NCAM1: variants seen among roughly 807,000 people sequenced by gnomAD.
NCAM1 encodes the protein antigen recognized by monoclonal antibody 5.1H11.
A neutral mutation model predicts 109.8 loss-of-function variants in NCAM1; 14 were observed. The observed-to-expected ratio is 0.13, with a 90% CI of 0.08 to 0.20. The LOEUF (loss-of-function observed/expected upper bound fraction) is 0.20, where lower values mean the gene tolerates loss of function less well. Ranked by LOEUF, NCAM1 falls within the 10% of genes least tolerant of loss-of-function variation. The pLI, the probability that NCAM1 is intolerant of heterozygous loss-of-function variation, is 1.00. For synonymous variants in NCAM1, 418 were observed against 442.9 expected (o/e 0.94, Z 0.70); for missense variants, 774 against 1,109.9 (o/e 0.70, Z 4.30).
chr11:113,035,540 G>A (rs1952847607), intron 1 of NCAM1, among the ~76,000 whole-genome samples: 1 of 152,082 alleles, frequency 6.6e-6, no homozygotes, highest in African/African-American at 2.4e-5. Flanking sequence ...GAAATGTATT[G>A]TTCTTTTTTA....
At chr11:113,073,221 A>AT (rs1372189325) in intron 1 of NCAM1, among the ~76,000 whole-genome samples, 1 of 151,682 alleles carries the variant, frequency 6.6e-6, no homozygotes, top group Non-Finnish European at 1.5e-5. Flanking sequence ...TATAGGCCAC[A>AT]TTTTTTTTCT....
chr11:113,139,371 T>G (rs1941728371), intron 1 of NCAM1, among the ~76,000 whole-genome samples: 1 of 152,210 alleles, frequency 6.6e-6, no homozygotes, highest in Non-Finnish European at 1.5e-5. Flanking sequence ...CGTTTATTTT[T>G]ATTATTTGGG....
chr11:113,192,021 A>G (rs1307203299), intron 1 of NCAM1, among the ~76,000 whole-genome samples: 1 of 152,252 alleles, frequency 6.6e-6, no homozygotes, highest in Non-Finnish European at 1.5e-5. Context: ...AGAATAAAAC[A>G]TCTGCAAACA....
intron 1 of NCAM1, among the ~76,000 whole-genome samples, chr11:113,021,257 A>G (rs1952376618): frequency 6.6e-6 from 1 of 152,224 alleles, no homozygotes; most frequent in African/African-American, 2.4e-5. Context: ...ATCATGAGTT[A>G]GCATGCTATA....
intron 18 of NCAM1, 141 bp downstream of exon 18, chr11:113,270,536 A>T (rs1361176428): frequency 3.9e-6 from 3 of 767,596 alleles, no homozygotes; most frequent in Non-Finnish European, 4.2e-6. Context: ...TGGGGGAAAA[A>T]CATTAGAGAA....
chr11:113,256,467 G>A (rs1945837471), intron 16 of NCAM1, among the ~76,000 whole-genome samples: 2 of 152,188 alleles, frequency 1.3e-5, no homozygotes, highest in African/African-American at 4.8e-5. Flanking sequence ...GATGAAGTAA[G>A]TGGGTGTACA....
intron 17 of NCAM1, among the ~76,000 whole-genome samples, chr11:113,269,289 G>A (rs1212090844): frequency 1.3e-5 from 2 of 152,218 alleles, no homozygotes; most frequent in Non-Finnish European, 2.9e-5. Context: ...ATGGGCACCA[G>A]GGAAGTAAGA....
chr11:113,224,396 C>G (rs1243414256), intron 9 of NCAM1, among the ~76,000 whole-genome samples: 3 of 152,348 alleles, frequency 2.0e-5, no homozygotes, highest in Non-Finnish European at 2.9e-5. Context: ...GGGGCGCCCG[C>G]CATTGCTGAG....
intron 1 of NCAM1, among the ~76,000 whole-genome samples, chr11:113,137,306 A>G (rs1283423609): frequency 2.0e-5 from 3 of 152,254 alleles, no homozygotes; most frequent in Non-Finnish European, 2.9e-5. Context: ...CTGACCATTA[A>G]AAGAAGACAG....
intron 2 of NCAM1, among the ~76,000 whole-genome samples, chr11:113,203,286 C>T (rs1944127321): frequency 6.6e-6 from 1 of 152,214 alleles, no homozygotes; most frequent in Admixed American, 6.5e-5. Context: ...GATGTGTTCA[C>T]TCCAGCTTTG....
intron 1 of NCAM1, among the ~76,000 whole-genome samples, chr11:113,157,010 G>T (rs1942432575): frequency 6.6e-6 from 1 of 152,148 alleles, no homozygotes; most frequent in Non-Finnish European, 1.5e-5. Context: ...GACAGTCATG[G>T]TTTACACATG....
chr11:113,008,353 T>C (rs1240154198), intron 1 of NCAM1, among the ~76,000 whole-genome samples: 1 of 152,128 alleles, frequency 6.6e-6, no homozygotes, highest in Admixed American at 6.5e-5. Flanking sequence ...TGAGGAGATC[T>C]CTCCAGAGCA....
At chr11:113,081,710 T>C (rs560053981) in intron 1 of NCAM1, among the ~76,000 whole-genome samples, 25 of 152,218 alleles carry the variant, frequency 1.6e-4, no homozygotes, top group African/African-American at 4.3e-4. Context: ...ATATTTATAT[T>C]TGTAGTAGAG....
chr11:113,105,738 TATTA>T (rs1402236801), intron 1 of NCAM1, among the ~76,000 whole-genome samples: 1 of 152,158 alleles, frequency 6.6e-6, no homozygotes, highest in Non-Finnish European at 1.5e-5. Context: ...AGAAGTAATA[TATTA>T]ATTGTTGCCA....
intron 1 of NCAM1, among the ~76,000 whole-genome samples, chr11:113,140,145 A>C (rs932695356): frequency 9.2e-5 from 14 of 152,186 alleles, no homozygotes; most frequent in Non-Finnish European, 1.5e-4. Flanking sequence ...ATGGAAGTAC[A>C]TTTGTGTGGA....
chr11:113,009,196 C>T (rs1951967801), intron 1 of NCAM1, among the ~76,000 whole-genome samples: 1 of 151,310 alleles, frequency 6.6e-6, no homozygotes, highest in Admixed American at 6.6e-5. Flanking sequence ...AGGACCACGT[C>T]GGTAGAATTA....
intron 1 of NCAM1, among the ~76,000 whole-genome samples, chr11:113,057,495 A>G (rs1468022060): frequency 4.6e-5 from 7 of 152,160 alleles, no homozygotes; most frequent in Non-Finnish European, 8.8e-5. Context: ...AGGGACAACT[A>G]TGGCTTCTTG....
At chr11:113,133,493 T>G (rs1941487209) in intron 1 of NCAM1, 1 of 152,240 alleles carries the variant, frequency 6.6e-6, no homozygotes, top group Non-Finnish European at 1.5e-5. Context: ...CAGCACCAAC[T>G]TATATAACAT....
intron 1 of NCAM1, among the ~76,000 whole-genome samples, chr11:113,076,324 C>G (rs1002108742): frequency 6.6e-6 from 1 of 152,212 alleles, no homozygotes; most frequent in Non-Finnish European, 1.5e-5. Context: ...ATTTGTCCAT[C>G]CCTTTCTGGG....
Sources: gnomAD v4.1 joint callset for allele counts (sites outside exome capture counted in the v4.1 genomes callset) on GRCh38, gnomAD v4.1.1 for gene constraint, MANE v1.5 for transcripts, NCBI Gene and HGNC (gene_info 2026-07-23, HGNC 2026-07-21) for gene names.